CUL4A: variants seen among roughly 807,000 people sequenced by gnomAD.
CUL4A encodes cullin 4A.
Under a neutral mutation model 95.5 loss-of-function variants are expected in CUL4A, and 16 were observed. That is an observed-to-expected ratio of 0.17 (90% CI 0.11 to 0.25). The LOEUF (loss-of-function observed/expected upper bound fraction) is 0.25, where lower values mean the gene tolerates loss of function less well. CUL4A is among the 10% of genes least tolerant of loss of function. CUL4A has a pLI of 1.00. For missense variants in CUL4A, 610 were observed against 937.0 expected, an observed-to-expected ratio of 0.65 and a Z score of 4.56; for synonymous variants, 380 against 353.1, an observed-to-expected ratio of 1.08 and a Z score of -0.85.
chr13:113,234,018 G>A (rs753920490), intron 7 of CUL4A, 32 bp downstream of exon 7: 2 of 1,434,360 alleles, frequency 1.4e-6, no homozygotes, highest in Non-Finnish European at 2.0e-6. Flanking sequence ...GAATCCCCTG[G>A]CTTCGTTTCT....
chr13:113,228,229 C>T (rs1473560518), intron 4 of CUL4A, among the ~76,000 whole-genome samples, 184 bp downstream of exon 4: 2 of 152,194 alleles, frequency 1.3e-5, no homozygotes, highest in Non-Finnish European at 2.9e-5. Flanking sequence ...GCACCACTGA[C>T]CCTCTTGGCC....
intron 15 of CUL4A, among the ~76,000 whole-genome samples, chr13:113,251,997 G>A (rs1486262287): frequency 6.6e-6 from 1 of 152,118 alleles, no homozygotes; most frequent in Non-Finnish European, 1.5e-5. Flanking sequence ...GCACAGACGT[G>A]TCGGAGATCC....
At chr13:113,244,839 C>CA (rs201136539) in intron 12 of CUL4A, 110 bp from the exon 13 acceptor site, 103,933 of 528,934 alleles carry the variant, frequency 0.2, 94 homozygotes, top group Non-Finnish European at 0.21. Flanking sequence ...GACTCTGTCT[C>CA]AAAAAAAAAA....
chr13:113,250,499 G>A (rs906476411), intron 15 of CUL4A, among the ~76,000 whole-genome samples: 3 of 152,112 alleles, frequency 2.0e-5, no homozygotes, highest in African/African-American at 7.2e-5. Flanking sequence ...TCTCCCAAAA[G>A]TTTTATAGTT....
intron 7 of CUL4A, among the ~76,000 whole-genome samples, chr13:113,234,609 T>G (rs939179408): frequency 5.3e-5 from 8 of 152,324 alleles, no homozygotes; most frequent in Admixed American, 4.6e-4. Flanking sequence ...TTGGGAAACA[T>G]GGGCGTACTT....
chr13:113,215,352 G>T (rs1386334637), intron 2 of CUL4A, among the ~76,000 whole-genome samples: 2 of 146,308 alleles, frequency 1.4e-5, no homozygotes, highest in African/African-American at 2.6e-5. Flanking sequence ...GGAGGTCTCT[G>T]TGACCATGGA....
intron 2 of CUL4A, 42 bp from the exon 3 acceptor site, chr13:113,218,901 CTG>C (rs1196186775): frequency 1.5e-6 from 2 of 1,366,548 alleles, no homozygotes; most frequent in African/African-American, 3.0e-5. Context: ...ATGAACCAAT[CTG>C]TTGTTCATAC....
At chr13:113,259,693 T>G (rs1359037196) in intron 18 of CUL4A, among the ~76,000 whole-genome samples, 1 of 152,230 alleles carries the variant, frequency 6.6e-6, no homozygotes, top group Non-Finnish European at 1.5e-5. Context: ...CTGGAATATA[T>G]CCTGATGGTC....
In CUL4A at chr13:113,245,868, T is replaced by C; in HGVS notation, c.1531-88T>C. On this transcript the variant is annotated intron_variant, in intron 14 of 19. Coordinates refer to ENST00000375440, the MANE Select transcript of CUL4A (RefSeq NM_001008895.4). ...AAATTCTAACACAGATGAAACTTTA[T>C]ATTGAAAATTACACGGTTTATTTTG... 12 of 979,160 alleles carry C rather than the reference T, an allele frequency of 1.2e-5. No individual in the cohort carries two copies. The South Asian group carries it at 1.8e-4, about 14-fold the overall frequency. The allele number at this position is 979,160 out of a possible 1,614,324, so 60.7% of individuals were successfully genotyped here. A position where few individuals can be genotyped will look rare whatever the true frequency, so the allele number is the denominator to read the frequency against.
chr13:113,240,005 A>G (rs971967610), intron 10 of CUL4A, among the ~76,000 whole-genome samples: 1 of 152,142 alleles, frequency 6.6e-6, no homozygotes, highest in South Asian at 2.1e-4. Flanking sequence ...TATTACTTAA[A>G]CTTTCACTTT....
intron 2 of CUL4A, among the ~76,000 whole-genome samples, chr13:113,215,886 CGCG>C: frequency 1.5e-5 from 2 of 129,322 alleles, no homozygotes; most frequent in Non-Finnish European, 1.6e-5. Context: ...CTGTGGAGGT[CGCG>C]TGTGTGACTA....
chr13:113,251,217 G>C (rs1218691209), intron 15 of CUL4A, among the ~76,000 whole-genome samples: 2 of 152,164 alleles, frequency 1.3e-5, no homozygotes, highest in African/African-American at 2.4e-5. Context: ...CTCTGAGGAG[G>C]CGGTTCTGGA....
chr13:113,256,582 C>T (rs1189258108), intron 18 of CUL4A, among the ~76,000 whole-genome samples: 3 of 152,168 alleles, frequency 2.0e-5, no homozygotes, highest in African/African-American at 7.2e-5. Context: ...TAGTTTGTTG[C>T]AGTTTTCATT....
chr13:113,208,630 G>T, upstream of CUL4A: 10 of 1,607,242 alleles, frequency 6.2e-6, no homozygotes, highest in Non-Finnish European at 8.5e-6. Flanking sequence ...GGTAATGTGC[G>T]CCATGGGAGC....
Position 113,262,426 on chromosome 13 carries a change from G to A in CUL4A, c.2185-1061G>A, listed in dbSNP as rs1461297265. Among the ~76,000 whole-genome samples the A allele has an allele frequency of 3.3e-5, 5 of 152,164 alleles. No homozygotes were observed. The South Asian group carries it at 6.2e-4, about 19-fold the overall frequency. On this transcript the variant is annotated intron_variant, in intron 19 of 19. Transcript: ENST00000375440. ...CAGCACTTTGGGAGCTGAGGCAGGC[G>A]GATTGATTGAGCCCAGGAATTTGAG...
chr13:113,236,152 A>G (rs2041536927), intron 8 of CUL4A, among the ~76,000 whole-genome samples: 1 of 152,084 alleles, frequency 6.6e-6, no homozygotes, highest in African/African-American at 2.4e-5. Context: ...AAGGATTCTG[A>G]CAGAATCCAG....
upstream of CUL4A, chr13:113,208,406 G>C (rs1217916997): frequency 6.8e-7 from 1 of 1,478,048 alleles, no homozygotes; most frequent in Admixed American, 2.2e-5. Flanking sequence ...CGGCCCTGCA[G>C]GGGAGAACTC....
rs577733847 is a variant in CUL4A, at chr13:113,221,900, A to G, written c.368+2852A>G. On this transcript the variant is annotated intron_variant, in intron 3 of 19. Coordinates refer to ENST00000375440, the MANE Select transcript of CUL4A (RefSeq NM_001008895.4). ...CTGTGATAAGGGTTTTCAAAGGTTCAGATAAGCTCCTGGGACCTAAAGAAA... is the reference window on the plus strand; with the variant it reads ...CTGTGATAAGGGTTTTCAAAGGTTCGGATAAGCTCCTGGGACCTAAAGAAA... Among the ~76,000 whole-genome samples the G allele has an allele frequency of 3.3e-5, 5 of 152,342 alleles. No homozygotes were observed. The South Asian group carries it at 6.2e-4, about 19-fold the overall frequency.
chr13:113,264,943 T>G lies in CUL4A; in HGVS notation c.*1361T>G, dbSNP rs1352358823. 9.2e-5 allele frequency: 1 copy of G among 10,916 alleles called. No individual in the cohort carries two copies. Among genetic ancestry groups the G allele is most frequent in the East Asian group, 0.033 (1 of 30 alleles). The allele number at this position is 10,916 out of a possible 1,614,324, so 0.7% of individuals were successfully genotyped here. A position where few individuals can be genotyped will look rare whatever the true frequency, so the allele number is the denominator to read the frequency against. On this transcript the variant is annotated 3_prime_UTR_variant, in exon 20 of 20. Coordinates refer to ENST00000375440, the MANE Select transcript of CUL4A (RefSeq NM_001008895.4). ...GTGGTCTAAGAAAGACCAAACAGAT[T>G]TCTATTTTTTTTTTCTTATAAGTTC...
Sources: gnomAD v4.1 joint callset for allele counts (sites outside exome capture counted in the v4.1 genomes callset) on GRCh38, gnomAD v4.1.1 for gene constraint, MANE v1.5 for transcripts, NCBI Gene and HGNC (gene_info 2026-07-23, HGNC 2026-07-21) for gene names.